Variants in STRN observed in about 807,000 individuals in gnomAD.
The protein encoded by STRN is striatin, also known as protein phosphatase 2 regulatory subunit B'''alpha.
In STRN, 53 loss-of-function variants were observed where a neutral mutation model predicts 96.3. The observed-to-expected ratio is 0.55, with a 90% CI of 0.44 to 0.69. The LOEUF (loss-of-function observed/expected upper bound fraction) is 0.69. Among genes scored for constraint, STRN ranks in the 30% least tolerant of loss-of-function variants. The probability of loss-of-function intolerance (pLI) is 0.00; values close to 1 mark genes in which losing one functional copy is unlikely to be tolerated. For missense variants in STRN, 987 were observed against 963.9 expected, an observed-to-expected ratio of 1.02 and a Z score of -0.32; for synonymous variants, 428 against 355.9, an observed-to-expected ratio of 1.20 and a Z score of -2.28.
At chr2:36,870,156 A>C (rs1254172406) in intron 10 of STRN, among the ~76,000 whole-genome samples, 2 of 152,176 alleles carry the variant, frequency 1.3e-5, no homozygotes, top group Non-Finnish European at 2.9e-5. Context: ...CTAATAGCTA[A>C]ATTTTCTTCA....
At chr2:36,873,026 A>G (rs1435816720) in intron 10 of STRN, among the ~76,000 whole-genome samples, 1 of 149,746 alleles carries the variant, frequency 6.7e-6, no homozygotes, top group Non-Finnish European at 1.5e-5. Context: ...TTGAAGTGTC[A>G]TGGGGATACA....
intron 2 of STRN, among the ~76,000 whole-genome samples, chr2:36,917,538 G>GA (rs576754026): frequency 0.18 from 15,852 of 88,632 alleles, 1,631 homozygotes; most frequent in African/African-American, 0.36. Context: ...ACAAAAAAAA[G>GA]AAAAAAAAAA....
Position 36,869,636 on chromosome 2 carries a change from G to A in STRN, c.1417C>T (p.Pro473Ser). ...GCTGTTATCAAAACAGGCTCAATGGGATGGAAAGCAAGGGCTCGGATGCCA... is the reference window on the plus strand; with the variant it reads ...GCTGTTATCAAAACAGGCTCAATGGAATGGAAAGCAAGGGCTCGGATGCCA... ...FDGIRALAFH[P>S]IEPVLITASE... The change falls in exon 11 of 18, where the codon CCC (proline) becomes TCC (serine). Residue 473 changes from proline (P) to serine (S), a missense_variant. By Grantham distance (74) the Pro-to-Ser change is moderately conservative. Transcript: ENST00000263918. 1 of 1,612,874 alleles carries A rather than the reference G, an allele frequency of 6.2e-7. No homozygotes were observed. The highest frequency in any genetic ancestry group is 8.5e-7 in the Non-Finnish European group (1 of 1,179,410).
intron 9 of STRN, among the ~76,000 whole-genome samples, chr2:36,879,944 A>T (rs2148167726): frequency 6.6e-6 from 1 of 152,008 alleles, no homozygotes; most frequent in Middle Eastern, 3.4e-3. Context: ...AGCCTGGGCG[A>T]CAGGGCAAGA....
At position 36,954,819 on chromosome 2, in the gene STRN, A is replaced by T. The variant is rs559709925; in HGVS notation, c.234+11411T>A. Among the ~76,000 whole-genome samples, 801 of 152,088 alleles carry T rather than the reference A, an allele frequency of 5.3e-3. 5 individuals are homozygous for T. The highest frequency in any genetic ancestry group is 0.018 in the African/African-American group (744 of 41,510). On this transcript the variant is annotated intron_variant, in intron 1 of 17. Transcript: ENST00000263918. ...CGCCCAGCTAATTTTTTGTATTTTTAGTAGAAACGGGGTTTCACCATGTTA... is the reference window on the plus strand; with the variant it reads ...CGCCCAGCTAATTTTTTGTATTTTTTGTAGAAACGGGGTTTCACCATGTTA...
At chr2:36,933,559 A>T (rs1373237541) in intron 1 of STRN, among the ~76,000 whole-genome samples, 1 of 152,216 alleles carries the variant, frequency 6.6e-6, no homozygotes, top group Non-Finnish European at 1.5e-5. Flanking sequence ...TTGTTAAGGC[A>T]ATGGAGAAGC....
At chr2:36,932,435 G>A (rs1410549325) in intron 1 of STRN, among the ~76,000 whole-genome samples, 3 of 152,098 alleles carry the variant, frequency 2.0e-5, no homozygotes, top group African/African-American at 4.8e-5. Flanking sequence ...GATTACACGC[G>A]TGAGCCACCG....
intron 12 of STRN, among the ~76,000 whole-genome samples, chr2:36,861,790 G>A (rs1218059518): frequency 6.6e-6 from 1 of 151,592 alleles, no homozygotes; most frequent in Non-Finnish European, 1.5e-5. Flanking sequence ...TTAACTTTTA[G>A]TTTCAAGGTT....
At chr2:36,943,165 G>C (rs1670889015) in intron 1 of STRN, among the ~76,000 whole-genome samples, 1 of 151,774 alleles carries the variant, frequency 6.6e-6, no homozygotes, top group African/African-American at 2.4e-5. Context: ...ATTCTTGTTA[G>C]TAAAAATGTA....
At chr2:36,869,519 A>C in intron 11 of STRN, 35 bp downstream of exon 11, 1 of 1,431,622 alleles carries the variant, frequency 7.0e-7, no homozygotes, top group Non-Finnish European at 9.3e-7. Context: ...TGTTACTTAA[A>C]ATATTCAAAT....
At chr2:36,875,659 A>ATT (rs70946955) in intron 10 of STRN, among the ~76,000 whole-genome samples, 1,469 of 142,470 alleles carry the variant, frequency 0.01, 20 homozygotes, top group African/African-American at 0.016. Flanking sequence ...AATAGAAATG[A>ATT]TTTTTTTTTT....
At position 36,846,387 on chromosome 2, in the gene STRN, T is replaced by TTTTA. The variant is rs1314756009; in HGVS notation, c.*3068_*3069insTAAA. The TTTTA allele has an allele frequency of 1.0e-3, 82 of 78,328 alleles. 1 individual carries two copies. Among genetic ancestry groups the TTTTA allele is most frequent in the African/African-American group, 1.3e-3 (17 of 12,820 alleles). The allele number at this position is 78,328 out of a possible 1,614,324, so 4.9% of individuals were successfully genotyped here. ...CAAAACAGTAAAATGCACCTATGGT[T>TTTTA]TATATATATATATATATATATATAT... is the stretch of plus-strand genomic sequence containing the variant. On this transcript the variant is annotated 3_prime_UTR_variant, in exon 18 of 18. Transcript: ENST00000263918.
intron 12 of STRN, 91 bp downstream of exon 12, chr2:36,867,723 G>C: frequency 1.2e-6 from 1 of 820,226 alleles, no homozygotes; most frequent in Admixed American, 3.0e-5. Flanking sequence ...TAAATACAAA[G>C]AATACCTAGT....
At chr2:36,857,801 T>C in intron 14 of STRN, 55 bp downstream of exon 14, 1 of 1,412,146 alleles carries the variant, frequency 7.1e-7, no homozygotes. Flanking sequence ...TTGCTTATTT[T>C]CAGAATAAAC....
At chr2:36,885,447 C>G (rs1669194382) in intron 8 of STRN, among the ~76,000 whole-genome samples, 1 of 152,072 alleles carries the variant, frequency 6.6e-6, no homozygotes, top group East Asian at 1.9e-4. Flanking sequence ...TCTCCCTATG[C>G]TTGTTAAGAT....
At chr2:36,951,015 A>G (rs1006706301) in intron 1 of STRN, among the ~76,000 whole-genome samples, 5 of 152,230 alleles carry the variant, frequency 3.3e-5, no homozygotes, top group African/African-American at 1.2e-4. Context: ...AGGAGAATGC[A>G]AAGTAATGAT....
intron 1 of STRN, among the ~76,000 whole-genome samples, chr2:36,935,340 AC>A (rs1670675768): frequency 6.6e-6 from 1 of 152,210 alleles, no homozygotes. Context: ...CTCTGTATGT[AC>A]ATATTATTTT....
intron 1 of STRN, among the ~76,000 whole-genome samples, chr2:36,943,003 T>A (rs1327474291): frequency 3.3e-5 from 5 of 152,228 alleles, no homozygotes; most frequent in South Asian, 2.1e-4. Flanking sequence ...GCCATTTATT[T>A]TTTTAATTAA....
Position 36,884,867 on chromosome 2 carries a change from A to T in STRN, c.1043-792T>A, listed in dbSNP as rs185375159. On this transcript the variant is annotated intron_variant, in intron 8 of 17. Coordinates refer to ENST00000263918, the MANE Select transcript of STRN (RefSeq NM_003162.4). ...GGTGGTTTATAACTCAATGCTTTAT[A>T]TATCAATTCAAAGCATGGCTTCAGT... 4.6e-5 allele frequency among the ~76,000 whole-genome samples: 7 copies of T among 152,262 alleles called. No individual in the cohort carries two copies. The East Asian group carries it at 1.3e-3, about 29-fold the overall frequency.
Sources: gnomAD v4.1 joint callset for allele counts (sites outside exome capture counted in the v4.1 genomes callset) on GRCh38, gnomAD v4.1.1 for gene constraint, MANE v1.5 for transcripts, NCBI Gene and HGNC (gene_info 2026-07-23, HGNC 2026-07-21) for gene names.